Variants in HSD17B3 observed in about 807,000 individuals in gnomAD.
HSD17B3 encodes hydroxysteroid 17-beta dehydrogenase 3, also known as 17-beta-hydroxysteroid dehydrogenase type 3.
HSD17B3 carries 29 observed loss-of-function variants against 41.1 expected under a neutral mutation model. The observed-to-expected ratio is 0.71, with a 90% confidence interval of 0.53 to 0.96. HSD17B3 has a LOEUF of 0.96. HSD17B3 is among the 40% of genes least tolerant of loss of function. HSD17B3 has a pLI of 0.00. For missense variants in HSD17B3, 323 were observed against 374.6 expected (o/e 0.86, Z 1.14); for synonymous variants, 126 against 145.6 (o/e 0.87, Z 0.97).
chr9:96,242,225 T>A (rs375341489), intron 9 of HSD17B3, among the ~76,000 whole-genome samples: 1 of 152,286 alleles, frequency 6.6e-6, no homozygotes, highest in East Asian at 1.9e-4. Context: ...CTTTGAGAAA[T>A]ATAAGGAGTG....
intron 8 of HSD17B3, 68 bp from the exon 9 acceptor site, chr9:96,244,462 ACTT>A: frequency 1.4e-6 from 2 of 1,441,748 alleles, no homozygotes; most frequent in African/African-American, 1.4e-5. Context: ...ACTTCCTCTG[ACTT>A]CAAGGGGCAC....
intron 5 of HSD17B3, chr9:96,250,041 G>A (rs564786319): frequency 1.6e-5 from 23 of 1,423,864 alleles, no homozygotes; most frequent in East Asian, 5.1e-5. Context: ...TGGAAAACTC[G>A]GAACTATATT....
chr9:96,293,040 G>A (rs1827212678), intron 2 of HSD17B3, among the ~76,000 whole-genome samples: 4 of 152,104 alleles, frequency 2.6e-5, no homozygotes, highest in Admixed American at 6.6e-5. Context: ...ATAGCTAAAG[G>A]AAATTCTATA....
intron 2 of HSD17B3, among the ~76,000 whole-genome samples, chr9:96,291,261 G>A (rs1477239390): frequency 6.6e-6 from 1 of 152,028 alleles, no homozygotes; most frequent in African/African-American, 2.4e-5. Flanking sequence ...AAGTGTCATC[G>A]GAGGCCTTGT....
At chr9:96,273,563 C>G (rs1340630137) in intron 2 of HSD17B3, among the ~76,000 whole-genome samples, 3 of 152,186 alleles carry the variant, frequency 2.0e-5, no homozygotes, top group African/African-American at 7.2e-5. Flanking sequence ...AGATGCCGAT[C>G]CAAGCCAATG....
At chr9:96,301,120 G>A (rs1169166365) in intron 1 of HSD17B3, among the ~76,000 whole-genome samples, 5 of 152,118 alleles carry the variant, frequency 3.3e-5, no homozygotes, top group Admixed American at 2.6e-4. Context: ...GCAAGGGCTG[G>A]GTAGCCTTCT....
chr9:96,294,838 A>C (rs1309300867), intron 2 of HSD17B3, among the ~76,000 whole-genome samples: 3 of 152,200 alleles, frequency 2.0e-5, no homozygotes, highest in Admixed American at 1.3e-4. Context: ...ATGACCACTC[A>C]TCTACCGAGT....
At chr9:96,279,914 C>A (rs938880537) in intron 2 of HSD17B3, among the ~76,000 whole-genome samples, 1 of 152,066 alleles carries the variant, frequency 6.6e-6, no homozygotes, top group Admixed American at 6.6e-5. Context: ...GGACTATAAG[C>A]GCCCGCCACC....
intron 2 of HSD17B3, among the ~76,000 whole-genome samples, chr9:96,279,225 C>T (rs538403432): frequency 1.1e-4 from 17 of 152,150 alleles, no homozygotes; most frequent in Non-Finnish European, 1.8e-4. Context: ...GGAGGTCCTG[C>T]GAACATATAC....
chr9:96,238,420 G>C (rs1207611438), intron 10 of HSD17B3, among the ~76,000 whole-genome samples: 2 of 151,956 alleles, frequency 1.3e-5, no homozygotes, highest in Non-Finnish European at 2.9e-5. Context: ...CCAGCACTTT[G>C]GGAGGTCAAG....
At chr9:96,267,738 A>C (rs1000497811) in intron 2 of HSD17B3, among the ~76,000 whole-genome samples, 2 of 152,064 alleles carry the variant, frequency 1.3e-5, no homozygotes, top group Admixed American at 6.6e-5. Flanking sequence ...AGAAATAAAG[A>C]ATGTTTTCAG....
At chr9:96,276,696 T>G (rs1311500724) in intron 2 of HSD17B3, among the ~76,000 whole-genome samples, 1 of 152,140 alleles carries the variant, frequency 6.6e-6, no homozygotes, top group Non-Finnish European at 1.5e-5. Flanking sequence ...GAAAACTAGA[T>G]ATCCGCATGC....
chr9:96,243,312 G>A (rs1415157221), intron 9 of HSD17B3, among the ~76,000 whole-genome samples: 1 of 152,188 alleles, frequency 6.6e-6, no homozygotes, highest in Non-Finnish European at 1.5e-5. Flanking sequence ...TGGGTCAGAC[G>A]GCTTCTGCAT....
Position 96,286,689 on chromosome 9 carries a change from C to CA in HSD17B3, c.201+11726dup, listed in dbSNP as rs34712901. On this transcript the variant is annotated intron_variant, in intron 2 of 10. Coordinates refer to ENST00000375263, the MANE Select transcript of HSD17B3 (RefSeq NM_000197.2). ...TGGGCCACAGAGGGAGACCCTGTCT[C>CA]AAAAAAAAAAAACAAAAAAAAAACC... Among the ~76,000 whole-genome samples, 142 of 102,344 alleles carry CA rather than the reference C, an allele frequency of 1.4e-3. 1 individual carries two copies. Among genetic ancestry groups the CA allele is most frequent in the African/African-American group, 2.7e-3 (74 of 27,418 alleles). The allele number at this position is 102,344 out of a possible 152,430, so 67.1% of individuals were successfully genotyped here.
At chr9:96,295,255 T>G (rs934118794) in intron 2 of HSD17B3, among the ~76,000 whole-genome samples, 1 of 151,834 alleles carries the variant, frequency 6.6e-6, no homozygotes, top group Non-Finnish European at 1.5e-5. Flanking sequence ...TCTGCCCACC[T>G]TGGCCTCCCA....
At chr9:96,272,957 T>C (rs1057278302) in intron 2 of HSD17B3, among the ~76,000 whole-genome samples, 2 of 152,046 alleles carry the variant, frequency 1.3e-5, no homozygotes, top group East Asian at 1.9e-4. Flanking sequence ...AAAAAGGCAA[T>C]CCAAAAAGTT....
intron 6 of HSD17B3, among the ~76,000 whole-genome samples, chr9:96,249,374 A>C (rs1268263100): frequency 6.6e-6 from 1 of 152,224 alleles, no homozygotes; most frequent in East Asian, 1.9e-4. Flanking sequence ...AATCCAAGCC[A>C]CGCCCTCCGT....
chr9:96,251,220 G>C (rs1587727123), intron 5 of HSD17B3, 198 bp downstream of exon 5: 2 of 605,400 alleles, frequency 3.3e-6, no homozygotes, highest in Non-Finnish European at 2.9e-6. Flanking sequence ...CCATATCCTA[G>C]AGATATCGTG....
At chr9:96,261,206 C>G (rs1045021288) in intron 2 of HSD17B3, among the ~76,000 whole-genome samples, 1 of 24,832 alleles carries the variant, frequency 4.0e-5, no homozygotes, top group Non-Finnish European at 8.3e-5. Flanking sequence ...GACGATGGAG[C>G]CTTCTGCTGC....
Sources: allele counts gnomAD v4.1 joint callset (sites outside exome capture counted in the v4.1 genomes callset), GRCh38; gene constraint gnomAD v4.1.1; transcripts MANE v1.5; gene names NCBI Gene and HGNC (gene_info 2026-07-23, HGNC 2026-07-21).